TET1: variants seen among roughly 807,000 people sequenced by gnomAD.
TET1 encodes methylcytosine dioxygenase TET1.
In TET1, 13 loss-of-function variants were observed where a neutral mutation model predicts 148.7. That is an observed-to-expected ratio of 0.09 (90% confidence interval 0.06 to 0.14). The LOEUF (loss-of-function observed/expected upper bound fraction) is 0.14. TET1 is among the 10% of genes least tolerant of loss of function. TET1 has a pLI of 1.00. For missense variants in TET1, 2,182 were observed against 2,553.8 expected, an observed-to-expected ratio of 0.85 and a Z score of 3.14; for synonymous variants, 907 against 937.2, an observed-to-expected ratio of 0.97 and a Z score of 0.59.
intron 2 of TET1, among the ~76,000 whole-genome samples, 159 bp from the exon 3 acceptor site, chr10:68,600,822 T>C (rs543302284): frequency 5.3e-5 from 8 of 152,342 alleles, no homozygotes; most frequent in African/African-American, 1.7e-4. Flanking sequence ...TTTTAAAGTA[T>C]ACATTTTACA....
Position 68,629,210 on chromosome 10 carries a change from T to C in TET1, c.1969-15488T>C, listed in dbSNP as rs528714291. 2.8e-3 allele frequency among the ~76,000 whole-genome samples: 426 copies of C among 151,930 alleles called. 3 individuals carry two copies. The highest frequency in any genetic ancestry group is 9.9e-3 in the African/African-American group (412 of 41,456). On this transcript the variant is annotated intron_variant, in intron 3 of 11. Coordinates refer to ENST00000373644, the MANE Select transcript of TET1 (RefSeq NM_030625.3). Reference sequence around the variant, plus strand: ...TGAAACCCTGTCTCTACTAAAAATGTGAAAATTATCTGGGTGTGGTGGCGA... The same window carrying C: ...TGAAACCCTGTCTCTACTAAAAATGCGAAAATTATCTGGGTGTGGTGGCGA...
rs767220335 is a variant in TET1 at position 68,573,930 on chromosome 10, C to T, written c.1592C>T (p.Ala531Val). The T allele has an allele frequency of 6.2e-7, 1 of 1,614,162 alleles. No individual in the cohort carries two copies. Among genetic ancestry groups the T allele is most frequent in the Non-Finnish European group, 8.5e-7 (1 of 1,180,030 alleles). Residue 531 changes from alanine (A) to valine (V), a missense_variant, in exon 2 of 12, where the codon GCC becomes GTC. Ala to Val is a moderately conservative substitution (Grantham distance 64). Transcript: ENST00000373644. ...RGLFHASLGIAQLSQAGPSKS... is the reference protein window; with the variant it reads ...RGLFHASLGIVQLSQAGPSKS... ...CTCTTCCATGCTTCACTGGGTATAGCCCAACTCTCTCAGGCTGGTCCTAGC... is the reference window on the plus strand; with the variant it reads ...CTCTTCCATGCTTCACTGGGTATAGTCCAACTCTCTCAGGCTGGTCCTAGC...
At chr10:68,685,191 G>C (rs1249930321) in intron 10 of TET1, among the ~76,000 whole-genome samples, 1 of 152,076 alleles carries the variant, frequency 6.6e-6, no homozygotes, top group African/African-American at 2.4e-5. Context: ...GGAGTTTGAG[G>C]CTGAAACATA....
rs2133685533 is a variant in TET1 at position 68,572,646 on chromosome 10, C to T, written c.308C>T (p.Thr103Ile). ...GAGTCCTTAACCTGCAATGGGTTTA[C>T]AATGGCGCTACGAAGCACCTCTCTT... ...NPESLTCNGF[T>I]MALRSTSLSR... Residue 103 changes from threonine to isoleucine, a missense_variant, in exon 2 of 12, where the codon ACA becomes ATA. By Grantham distance (89) the Thr-to-Ile change is moderately conservative. This residue lies in a region of TET1 where 665 missense variants were observed against 672.4 expected (regional missense o/e 0.99). Coordinates refer to ENST00000373644, the MANE Select transcript of TET1 (RefSeq NM_030625.3). 6.2e-7 allele frequency: 1 copy of T among 1,614,164 alleles called. No individual in the cohort carries two copies. Among genetic ancestry groups the T allele is most frequent in the African/African-American group, 1.3e-5 (1 of 75,042 alleles).
At chr10:68,613,926 G>A (rs572696676) in intron 3 of TET1, among the ~76,000 whole-genome samples, 22 of 147,004 alleles carry the variant, frequency 1.5e-4, no homozygotes, top group Non-Finnish European at 2.8e-4. Flanking sequence ...GGACAAGAGC[G>A]AGACTTCGTC....
At position 68,573,616 on chromosome 10, in the gene TET1, C is replaced by T; in HGVS notation, c.1278C>T (p.Val426=). 6.2e-7 allele frequency: 1 copy of T among 1,614,126 alleles called. No individual in the cohort carries two copies. The highest frequency in any genetic ancestry group is 1.7e-5 in the Admixed American group (1 of 60,014). The change falls in exon 2 of 12, where the codon GTC becomes GTT. Residue 426 remains valine (V), a synonymous_variant. Transcript: ENST00000373644. ...QETLGMSGSV[V]PDLPVFLPVP... is the part of the protein sequence containing the mutation. Reference sequence around the variant, plus strand: ...CTCTTGGTATGAGTGGGAGTGTTGTCCCAGACTTGCCTGTCTTCCTTCCTG... The same window carrying T: ...CTCTTGGTATGAGTGGGAGTGTTGTTCCAGACTTGCCTGTCTTCCTTCCTG...
Position 68,693,658 on chromosome 10 carries a change from G to A in TET1, c.*1844G>A, listed in dbSNP as rs939081262. ...AGTATTTTGTGTGCCTTAGATTTCC[G>A]TTTTAAGACATGTATATTTTTGTGA... On this transcript the variant is annotated 3_prime_UTR_variant, in exon 12 of 12. Coordinates refer to ENST00000373644, the MANE Select transcript of TET1 (RefSeq NM_030625.3). 2.2e-5 allele frequency: 5 copies of A among 231,900 alleles called. No individual in the cohort carries two copies. The highest frequency in any genetic ancestry group is 4.4e-5 in the African/African-American group (2 of 45,222). 14.4% of individuals were successfully genotyped at this position (231,900 alleles called of 1,614,324 possible). A position where few individuals can be genotyped will look rare whatever the true frequency, so the allele number is the denominator to read the frequency against.
At chr10:68,653,447 GTTTATTT>G (rs2054970373) in intron 6 of TET1, among the ~76,000 whole-genome samples, 1 of 151,990 alleles carries the variant, frequency 6.6e-6, no homozygotes, top group African/African-American at 2.4e-5. Flanking sequence ...GACTATTCTG[GTTTATTT>G]TATCATATTA....
chr10:68,626,400 T>C (rs970705103), intron 3 of TET1, among the ~76,000 whole-genome samples: 1 of 152,170 alleles, frequency 6.6e-6, no homozygotes, highest in South Asian at 2.1e-4. Flanking sequence ...AGAGCCTCTC[T>C]ATGTTTCCCA....
intron 3 of TET1, among the ~76,000 whole-genome samples, chr10:68,615,875 G>T (rs1188340230): frequency 2.6e-5 from 4 of 152,146 alleles, no homozygotes; most frequent in African/African-American, 9.6e-5. Context: ...TCGAACTCCC[G>T]ACCTCAGGTG....
Position 68,572,536 on chromosome 10 carries a change from A to C in TET1, c.198A>C (p.Pro66=). The change falls in exon 2 of 12, where the codon CCA becomes CCC. Residue 66 remains proline, a synonymous_variant. Transcript: ENST00000373644. ...RDVKKKTEPK[P]PVPVRSLLTR... ...TTAAGAAAAAAACAGAACCTAAACC[A>C]CCCGTGCCAGTCAGAAGCCTTCTGA... The C allele has an allele frequency of 6.2e-7, 1 of 1,613,842 alleles. No individual in the cohort carries two copies. The highest frequency in any genetic ancestry group is 8.5e-7 in the Non-Finnish European group (1 of 1,179,974).
At chr10:68,589,699 T>A (rs2053898364) in intron 2 of TET1, among the ~76,000 whole-genome samples, 1 of 136,716 alleles carries the variant, frequency 7.3e-6, no homozygotes, top group Non-Finnish European at 1.5e-5. Context: ...GAGACAAGAG[T>A]CTCACTCTGT....
chr10:68,689,271 C>A (rs994715744), intron 11 of TET1, among the ~76,000 whole-genome samples: 1 of 152,188 alleles, frequency 6.6e-6, no homozygotes, highest in African/African-American at 2.4e-5. Context: ...GAGAGGAGAA[C>A]TGCAGAGCTT....
At chr10:68,620,933 AT>A (rs1400609502) in intron 3 of TET1, among the ~76,000 whole-genome samples, 1 of 152,190 alleles carries the variant, frequency 6.6e-6, no homozygotes, top group Non-Finnish European at 1.5e-5. Context: ...CCTCTTGGCC[AT>A]TTGTATGTTT....
intron 6 of TET1, among the ~76,000 whole-genome samples, chr10:68,658,909 G>A (rs533719566): frequency 1.6e-3 from 241 of 152,244 alleles, no homozygotes; most frequent in Middle Eastern, 6.8e-3. Context: ...AAATTAGCTG[G>A]ATGTCGTGAG....
Position 68,601,050 on chromosome 10 carries a change from T to G in TET1, c.1968+16T>G, listed in dbSNP as rs771632376. The G allele has an allele frequency of 1.3e-6, 2 of 1,585,660 alleles. No individual in the cohort carries two copies. Among genetic ancestry groups the G allele is most frequent in the East Asian group, 4.5e-5 (2 of 44,312 alleles). On this transcript the variant is annotated intron_variant, in intron 3 of 11. Coordinates refer to ENST00000373644, the MANE Select transcript of TET1 (RefSeq NM_030625.3). Reference sequence around the variant, plus strand: ...AGTTTTAAAGGTAATCAGCTGTTGATTAAATAATATTTCATTATTTTTCCA... The same window carrying G: ...AGTTTTAAAGGTAATCAGCTGTTGAGTAAATAATATTTCATTATTTTTCCA...
At chr10:68,668,415 C>T (rs1403532780) in intron 7 of TET1, among the ~76,000 whole-genome samples, 1 of 152,212 alleles carries the variant, frequency 6.6e-6, no homozygotes, top group Non-Finnish European at 1.5e-5. Flanking sequence ...ATTCGGGGAA[C>T]TGCTCTAGGT....
chr10:68,590,713 G>A (rs988286173), intron 2 of TET1, among the ~76,000 whole-genome samples: 1 of 152,092 alleles, frequency 6.6e-6, no homozygotes, highest in Non-Finnish European at 1.5e-5. Flanking sequence ...CTTGAGCCCA[G>A]GAGTTCACTG....
At chr10:68,610,391 G>C (rs1187731043) in intron 3 of TET1, among the ~76,000 whole-genome samples, 2 of 151,062 alleles carry the variant, frequency 1.3e-5, no homozygotes, top group Admixed American at 6.6e-5. Flanking sequence ...CAACCAGCCT[G>C]GCCAACATGG....
Sources: allele counts gnomAD v4.1 joint callset (sites outside exome capture counted in the v4.1 genomes callset), GRCh38; gene constraint gnomAD v4.1.1; regional missense constraint gnomAD v4.1.1; transcripts MANE v1.5; gene names NCBI Gene and HGNC (gene_info 2026-07-23, HGNC 2026-07-21).